USP9X: variants seen among roughly 807,000 people sequenced by gnomAD.
USP9X encodes the protein ubiquitin carboxyl-terminal hydrolase 9X.
In USP9X, 7 loss-of-function variants were observed where a neutral mutation model predicts 190.3. That is an observed-to-expected ratio of 0.04 (90% CI 0.02 to 0.07). The LOEUF is 0.07. Ranked by LOEUF, USP9X falls within the 10% of genes least tolerant of loss-of-function variation. The probability of loss-of-function intolerance (pLI) is 1.00; values close to 1 mark genes in which losing one functional copy is unlikely to be tolerated. For missense variants in USP9X, 1,010 were observed against 1,916.9 expected (o/e 0.53, Z 8.83); for synonymous variants, 645 against 659.5 (o/e 0.98, Z 0.34).
chrX:41,197,040 T>C (rs1454408116), intron 28 of USP9X, among the ~76,000 whole-genome samples: 1 of 112,300 alleles, frequency 8.9e-6, no homozygotes, highest in Admixed American at 9.5e-5. Flanking sequence ...TTGAATTGTT[T>C]ATGTCAAAAA....
At position 41,212,403 on chromosome X, in the gene USP9X, T is replaced by C. The variant is rs1484261250; in HGVS notation, c.5189+1721T>C. Among the ~76,000 whole-genome samples the C allele has an allele frequency of 7.9e-5, 8 of 101,647 alleles. No homozygotes were observed. The East Asian group carries it at 2.5e-3, about 31-fold the overall frequency. 88.3% of individuals were successfully genotyped at this position (101,647 alleles called of 115,157 possible). A position where few individuals can be genotyped will look rare whatever the true frequency, so the allele number is the denominator to read the frequency against. On this transcript the variant is annotated intron_variant, in intron 33 of 44. Coordinates refer to ENST00000378308, the MANE Select transcript of USP9X (RefSeq NM_001039591.3). ...TTATCTGCTGACCTTCCCTCCACTATTGTCCTATGACCCTGCCAAATCCCC... is the reference window on the plus strand; with the variant it reads ...TTATCTGCTGACCTTCCCTCCACTACTGTCCTATGACCCTGCCAAATCCCC...
Position 41,086,037 on chromosome X carries a change from A to G in USP9X, c.-231A>G, listed in dbSNP as rs1016924700. On this transcript the variant is annotated 5_prime_UTR_variant, in exon 1 of 45. Coordinates refer to ENST00000378308, the MANE Select transcript of USP9X (RefSeq NM_001039591.3). ...CACCCAGGGTAGGTCTCGTCCCGGGACCGAGCCCCACCGTCGCCTGGTGCC... is the reference window on the plus strand; with the variant it reads ...CACCCAGGGTAGGTCTCGTCCCGGGGCCGAGCCCCACCGTCGCCTGGTGCC... 6.8e-6 allele frequency: 2 copies of G among 295,278 alleles called. No homozygotes were observed. Among genetic ancestry groups the G allele is most frequent in the African/African-American group, 5.5e-5 (2 of 36,205 alleles). 24.3% of individuals were successfully genotyped at this position (295,278 alleles called of 1,213,427 possible).
At position 41,230,411 on chromosome X, in the gene USP9X, A is replaced by G. The variant is rs1164241867; in HGVS notation, c.7432-90A>G. The G allele has an allele frequency of 8.0e-6, 7 of 878,429 alleles. No homozygotes were observed. The East Asian group carries it at 1.7e-4, about 22-fold the overall frequency. The allele number at this position is 878,429 out of a possible 1,213,427, so 72.4% of individuals were successfully genotyped here. ...AAAGTTGCTAATGGGTCAGTTTTGT[A>G]GATTTTTAAAATTTATTTCAAATAG... On this transcript the variant is annotated intron_variant, in intron 43 of 44. Transcript: ENST00000378308.
rs1602024802 is a variant in USP9X at position 41,198,562 on chromosome X, A to G, written c.4415A>G (p.Asn1472Ser). Residue 1472 changes from asparagine (N) to serine (S), a missense_variant, in exon 30 of 45, where the codon AAT becomes AGT. Physicochemically the swap from Asn to Ser is conservative, Grantham distance 46. This residue lies in a region of USP9X where 351 missense variants were observed against 480.8 expected (regional missense o/e 0.73). Coordinates refer to ENST00000378308, the MANE Select transcript of USP9X (RefSeq NM_001039591.3). Reference protein sequence around the residue: ...LIDDFIFPASNVYLQYMRNGE... With the variant: ...LIDDFIFPASSVYLQYMRNGE... ...GATGATTTCATATTTCCTGCATCCAATGTTTACCTACAGTATATGAGAAAT... is the reference window on the plus strand; with the variant it reads ...GATGATTTCATATTTCCTGCATCCAGTGTTTACCTACAGTATATGAGAAAT... The G allele has an allele frequency of 1.7e-6, 2 of 1,208,146 alleles. No individual in the cohort carries two copies. The highest frequency in any genetic ancestry group is 1.1e-6 in the Non-Finnish European group (1 of 893,925).
intron 1 of USP9X, among the ~76,000 whole-genome samples, chrX:41,106,508 A>G (rs1339820177): frequency 1.0e-5 from 1 of 95,937 alleles, no homozygotes; most frequent in African/African-American, 3.9e-5. Flanking sequence ...TACTGGAAGT[A>G]TATTTCTGAA....
At chrX:41,187,118 C>T (rs113341508) in intron 24 of USP9X, among the ~76,000 whole-genome samples, 14,742 of 111,524 alleles carry the variant, frequency 0.13, 878 homozygotes, top group East Asian at 0.21. Flanking sequence ...CAGGCATGAG[C>T]CACCATGCCC....
chrX:41,199,401 CT>C (rs1463277195), intron 30 of USP9X, among the ~76,000 whole-genome samples: 3 of 110,639 alleles, frequency 2.7e-5, no homozygotes, highest in Non-Finnish European at 5.7e-5. Flanking sequence ...AGACGTAAAA[CT>C]TTATTTTATT....
chrX:41,178,952 A>G (rs2062803344), intron 21 of USP9X, among the ~76,000 whole-genome samples: 1 of 111,995 alleles, frequency 8.9e-6, no homozygotes, highest in Non-Finnish European at 1.9e-5. Context: ...TTGCAACACC[A>G]TTTTTATTCA....
chrX:41,212,086 C>A (rs2063167728), intron 33 of USP9X, among the ~76,000 whole-genome samples: 1 of 112,210 alleles, frequency 8.9e-6, no homozygotes, highest in South Asian at 3.6e-4. Context: ...AAGAGGTAGA[C>A]ATGGGAGACT....
rs753307099 is a variant in USP9X at position 41,205,467 on chromosome X, G to A, written c.4989G>A (p.Val1663=). The A allele has an allele frequency of 2.5e-6, 3 of 1,207,866 alleles. No individual in the cohort carries two copies. The highest frequency in any genetic ancestry group is 2.2e-6 in the Non-Finnish European group (2 of 894,213). Residue 1663 remains valine, a synonymous_variant, in exon 32 of 45, where the codon GTG becomes GTA. Transcript: ENST00000378308. ...CTGCTTCTCGACTGCAATACTATGT[G>A]CCCAGAGGATTTTGGAAACAGTTCA... ...HLAASRLQYY[V]PRGFWKQFRL... is the part of the protein sequence containing the mutation.
intron 14 of USP9X, among the ~76,000 whole-genome samples, chrX:41,161,416 T>A (rs2062630127): frequency 1.1e-5 from 1 of 90,454 alleles, no homozygotes; most frequent in Non-Finnish European, 2.1e-5. Flanking sequence ...CTTGGCTCAC[T>A]GCAACGTCCA....
At chrX:41,086,439 G>A (rs2061912114) in intron 1 of USP9X, among the ~76,000 whole-genome samples, 1 of 112,031 alleles carries the variant, frequency 8.9e-6, no homozygotes, top group African/African-American at 3.2e-5. Flanking sequence ...GGCGTGGCGG[G>A]CAGCCCCCCC....
Position 41,171,852 on chromosome X carries a change from T to C in USP9X, c.3042T>C (p.His1014=). 1 of 1,210,273 alleles carries C rather than the reference T, an allele frequency of 8.3e-7. No individual in the cohort carries two copies. The highest frequency in any genetic ancestry group is 1.1e-6 in the Non-Finnish European group (1 of 894,226). The change falls in exon 21 of 45, where the codon CAT becomes CAC. Residue 1014 remains histidine, a synonymous_variant. Coordinates refer to ENST00000378308, the MANE Select transcript of USP9X (RefSeq NM_001039591.3). ...SCLPGVIMSL[H]PRYISFLWQV... ...TTATATTCTAGATAATGTCACTGCA[T>C]CCCAGATACATCTCTTTTCTTTGGC...
At chrX:41,147,890 T>C (rs1468546170) in intron 11 of USP9X, among the ~76,000 whole-genome samples, 1 of 111,982 alleles carries the variant, frequency 8.9e-6, no homozygotes. Context: ...GAACAGAATT[T>C]TATTTGGCTT....
intron 1 of USP9X, among the ~76,000 whole-genome samples, chrX:41,096,398 G>GGAA (rs938133094): frequency 8.0e-5 from 9 of 112,400 alleles, no homozygotes; most frequent in Non-Finnish European, 1.7e-4. Context: ...TGTAGTCAGT[G>GGAA]GAAGGGTACT....
intron 1 of USP9X, among the ~76,000 whole-genome samples, chrX:41,103,049 C>T (rs1712585545): frequency 9.0e-6 from 1 of 111,584 alleles, no homozygotes; most frequent in Non-Finnish European, 1.9e-5. Flanking sequence ...CTGCCTTGGC[C>T]TCCCAAAGTG....
intron 41 of USP9X, among the ~76,000 whole-genome samples, chrX:41,226,719 A>T (rs2063317011): frequency 1.8e-5 from 2 of 112,515 alleles, no homozygotes; most frequent in South Asian, 7.3e-4. Context: ...ATAGTCGTTT[A>T]TTCAGGCAGT....
chrX:41,220,320 C>T (rs1319439041), intron 38 of USP9X, among the ~76,000 whole-genome samples: 2 of 112,212 alleles, frequency 1.8e-5, no homozygotes, highest in Non-Finnish European at 3.8e-5. Flanking sequence ...TAGATATTGC[C>T]TGTTCACAAA....
Position 41,232,819 on chromosome X carries a change from TG to T in USP9X, c.*296del. ...CTTAAGCAAGAAACTTTTTTCTTGA[TG>T]AGACTCACAGATCTACACAAACTAC... is the stretch of plus-strand genomic sequence containing the variant. On this transcript the variant is annotated 3_prime_UTR_variant, in exon 45 of 45. Coordinates refer to ENST00000378308, the MANE Select transcript of USP9X (RefSeq NM_001039591.3). 6.6e-5 allele frequency: 7 copies of T among 105,994 alleles called. No homozygotes were observed. In the East Asian group the frequency reaches 7.9e-4, roughly 12 times the overall value. 8.7% of individuals were successfully genotyped at this position (105,994 alleles called of 1,213,427 possible).
Sources: allele counts gnomAD v4.1 joint callset (sites outside exome capture counted in the v4.1 genomes callset), GRCh38; gene constraint gnomAD v4.1.1; regional missense constraint gnomAD v4.1.1; transcripts MANE v1.5; gene names NCBI Gene and HGNC (gene_info 2026-07-23, HGNC 2026-07-21).